Variants in NFIC observed in about 807,000 individuals in gnomAD.
NFIC encodes the protein nuclear factor 1 C-type.
In NFIC, 12 loss-of-function variants were observed where a neutral mutation model predicts 54.4. The observed-to-expected ratio is 0.22, with a 90% CI of 0.14 to 0.36. NFIC has a LOEUF of 0.36. Among genes scored for constraint, NFIC ranks in the 10% least tolerant of loss-of-function variants. The pLI, the probability that NFIC is intolerant of heterozygous loss-of-function variation, is 1.00. For missense variants in NFIC, 575 were observed against 718.2 expected (o/e 0.80, Z 2.28); for synonymous variants, 322 against 319.2 (o/e 1.01, Z -0.09).
chr19:3,361,799 C>T (rs2080815244), upstream of NFIC, among the ~76,000 whole-genome samples: 1 of 152,090 alleles, frequency 6.6e-6, no homozygotes, highest in Non-Finnish European at 1.5e-5. Flanking sequence ...CCTCTGTCCC[C>T]ATTTTGGGTT....
chr19:3,417,997 T>C (rs552991395), intron 2 of NFIC, among the ~76,000 whole-genome samples: 72 of 151,436 alleles, frequency 4.8e-4, no homozygotes, highest in Admixed American at 1.7e-3. Context: ...GATGGCAGAA[T>C]ATTCTGTGCT....
In NFIC at chr19:3,467,227, C is replaced by T. The variant is rs905450742; in HGVS notation, c.*4458C>T. 13 of 134,392 alleles carry T rather than the reference C, an allele frequency of 9.7e-5. No individual in the cohort carries two copies. Among genetic ancestry groups the T allele is most frequent in the Admixed American group, 5.1e-4 (7 of 13,672 alleles). The allele number at this position is 134,392 out of a possible 1,614,324, so 8.3% of individuals were successfully genotyped here. A position where few individuals can be genotyped will look rare whatever the true frequency, so the allele number is the denominator to read the frequency against. ...CCTATGCCAGGCCCCCCCCCCCACC[C>T]CAGTCTCATTCTGGGGTCTGCCCAT... On this transcript the variant is annotated 3_prime_UTR_variant, in exon 11 of 11. Transcript: ENST00000443272.
intron 6 of NFIC, among the ~76,000 whole-genome samples, chr19:3,445,508 G>A (rs769206344): frequency 2.6e-5 from 4 of 152,156 alleles, no homozygotes; most frequent in African/African-American, 9.7e-5. Flanking sequence ...CTGGGTGCCC[G>A]CCTCCTCCAG....
rs186730416 is a variant in NFIC, at chr19:3,373,070, C to T, written c.30+6404C>T. On this transcript the variant is annotated intron_variant, in intron 1 of 10. Transcript: ENST00000443272. ...ATGTTGGCCAGGCTGGTCTTGAACTCCTGACCTCAGGTGATCCGCCCGCCT... is the reference window on the plus strand; with the variant it reads ...ATGTTGGCCAGGCTGGTCTTGAACTTCTGACCTCAGGTGATCCGCCCGCCT... 1.4e-4 allele frequency among the ~76,000 whole-genome samples: 22 copies of T among 152,242 alleles called. No individual in the cohort carries two copies. In the East Asian group the frequency reaches 4.1e-3, roughly 28 times the overall value.
Position 3,465,846 on chromosome 19 carries a change from A to G in NFIC, c.*3077A>G, listed in dbSNP as rs2082711421. On this transcript the variant is annotated 3_prime_UTR_variant, in exon 11 of 11. Coordinates refer to ENST00000443272, the MANE Select transcript of NFIC (RefSeq NM_001245002.2). ...TGGCATACCCCTGGCTCAGGGTCAA[A>G]TGCTGTTCCACACCCACCTCAGAGG... 1 of 152,132 alleles carries G rather than the reference A, an allele frequency of 6.6e-6. No homozygotes were observed. The highest frequency in any genetic ancestry group is 6.6e-5 in the Admixed American group (1 of 15,266). The allele number at this position is 152,132 out of a possible 1,614,324, so 9.4% of individuals were successfully genotyped here.
intron 2 of NFIC, among the ~76,000 whole-genome samples, chr19:3,419,360 A>G (rs2081916956): frequency 6.6e-6 from 1 of 152,076 alleles, no homozygotes; most frequent in South Asian, 2.1e-4. Context: ...CATGGTTCCA[A>G]TTACTCGACA....
At chr19:3,377,380 A>ATGATAACAATCATCGCATCAT (rs2081127287) in intron 1 of NFIC, among the ~76,000 whole-genome samples, 1 of 149,348 alleles carries the variant, frequency 6.7e-6, no homozygotes. Flanking sequence ...ATAAGTTGTA[A>ATGATAACAATCATCGCATCAT]TGATAACAAT....
intron 6 of NFIC, among the ~76,000 whole-genome samples, chr19:3,440,613 C>T (rs551175883): frequency 1.4e-4 from 22 of 151,956 alleles, no homozygotes; most frequent in Middle Eastern, 3.4e-3. Flanking sequence ...GTATTTTTAG[C>T]GGAGGCGGGT....
chr19:3,373,377 G>T (rs1233675224), intron 1 of NFIC, among the ~76,000 whole-genome samples: 2 of 152,212 alleles, frequency 1.3e-5, no homozygotes, highest in African/African-American at 4.8e-5. Flanking sequence ...CCTCACTGTG[G>T]CCCACAAGGC....
intron 1 of NFIC, among the ~76,000 whole-genome samples, chr19:3,360,028 C>G (rs1047862887): frequency 3.5e-4 from 52 of 149,196 alleles, no homozygotes; most frequent in Non-Finnish European, 6.1e-4. Context: ...AGACCCCAGG[C>G]GGGAGGGCGC....
intron 9 of NFIC, chr19:3,454,153 C>G (rs918963909): frequency 2.3e-6 from 3 of 1,283,670 alleles, no homozygotes; most frequent in Non-Finnish European, 2.9e-6. Flanking sequence ...GGTCTGTCCC[C>G]TTCGCCGAGT....
At chr19:3,414,560 A>C (rs568047591) in intron 2 of NFIC, among the ~76,000 whole-genome samples, 1 of 151,984 alleles carries the variant, frequency 6.6e-6, no homozygotes, top group East Asian at 1.9e-4. Context: ...ACGTCACCGC[A>C]CTCCAGTCTG....
chr19:3,377,697 G>A (rs903718761), intron 1 of NFIC, among the ~76,000 whole-genome samples: 3 of 151,848 alleles, frequency 2.0e-5, no homozygotes, highest in African/African-American at 4.8e-5. Context: ...CTGCAGCCTC[G>A]ACCTCTGAGG....
rs527604505 is a variant in NFIC, at chr19:3,397,155, C to T, written c.562+14912C>T. Among the ~76,000 whole-genome samples, 9 of 152,232 alleles carry T rather than the reference C, an allele frequency of 5.9e-5. No individual in the cohort carries two copies. The East Asian group carries it at 9.7e-4, about 16-fold the overall frequency. On this transcript the variant is annotated intron_variant, in intron 2 of 10. Transcript: ENST00000443272. The stretch of plus-strand genomic sequence containing the variant: ...GCTACCTCACCGTCTCACAACCACC[C>T]GCTGAGGTTGGAATGATCATTAACA...
chr19:3,459,324 A>T lies in NFIC; in HGVS notation c.1509+2689A>T. The stretch of plus-strand genomic sequence containing the variant: ...TGGTCAGTTACCCACCCATCGCCCC[A>T]TGTCCGTCCCTATCAATCCCCCCAC... On this transcript the variant is annotated intron_variant, in intron 10 of 10. Transcript: ENST00000443272. This position sits in a 1 kb window ranked among gnomAD's most constrained non-coding sequence, Gnocchi z 4.2. Among the ~76,000 whole-genome samples the T allele has an allele frequency of 7.2e-6, 1 of 138,648 alleles. No homozygotes were observed. Among genetic ancestry groups the T allele is most frequent in the East Asian group, 2.1e-4 (1 of 4,692 alleles). 91.0% of individuals were successfully genotyped at this position (138,648 alleles called of 152,430 possible). A position where few individuals can be genotyped will look rare whatever the true frequency, so the allele number is the denominator to read the frequency against.
intron 2 of NFIC, among the ~76,000 whole-genome samples, chr19:3,383,736 G>A (rs1472290625): frequency 1.3e-5 from 2 of 152,170 alleles, no homozygotes; most frequent in Non-Finnish European, 2.9e-5. Context: ...TACGCCAGAC[G>A]CAGACCCACA....
At chr19:3,436,099 A>T (rs2082197899) in intron 6 of NFIC, among the ~76,000 whole-genome samples, 1 of 151,314 alleles carries the variant, frequency 6.6e-6, no homozygotes, top group Non-Finnish European at 1.5e-5. Context: ...AAGTTCTGGG[A>T]TTACAGGCGT....
intron 2 of NFIC, among the ~76,000 whole-genome samples, chr19:3,405,267 G>T (rs2145552536): frequency 6.6e-6 from 1 of 152,334 alleles, no homozygotes; most frequent in African/African-American, 2.4e-5. Context: ...CCACGCCTCT[G>T]CCTCTCGGGC....
chr19:3,389,082 A>G (rs1401822210), intron 2 of NFIC, among the ~76,000 whole-genome samples: 3 of 152,144 alleles, frequency 2.0e-5, no homozygotes, highest in African/African-American at 7.2e-5. Context: ...GAGGTTATCT[A>G]GTGGAAGCCA....
Sources: gnomAD v4.1 joint callset for allele counts (sites outside exome capture counted in the v4.1 genomes callset) on GRCh38, gnomAD v4.1.1 for gene constraint, Gnocchi (gnomAD v3.1) non-coding constraint, MANE v1.5 for transcripts, NCBI Gene and HGNC (gene_info 2026-07-23, HGNC 2026-07-21) for gene names.